Variants in SRBD1 observed in about 807,000 individuals in gnomAD.
SRBD1 encodes the protein S1 RNA binding domain 1, also known as S1 RNA-binding domain-containing protein 1.
Under a neutral mutation model 115.3 loss-of-function variants are expected in SRBD1, and 88 were observed. The ratio of observed to expected loss-of-function variants is 0.76; its 90% CI spans 0.64 to 0.91. The LOEUF (loss-of-function observed/expected upper bound fraction) is 0.91, where lower values mean the gene tolerates loss of function less well. Ranked by LOEUF, SRBD1 falls within the 40% of genes least tolerant of loss-of-function variation. The pLI, the probability that SRBD1 is intolerant of heterozygous loss-of-function variation, is 0.00. For synonymous variants in SRBD1, 509 were observed against 407.7 expected, an observed-to-expected ratio of 1.25 and a Z score of -2.99; for missense variants, 1,385 against 1,177.4, an observed-to-expected ratio of 1.18 and a Z score of -2.58.
rs1352497978 is a variant in SRBD1, at chr2:45,600,843, T to C, written c.262-1008A>G. Among the ~76,000 whole-genome samples, 5 of 152,298 alleles carry C rather than the reference T, an allele frequency of 3.3e-5. No homozygotes were observed. The South Asian group carries it at 1.0e-3, about 32-fold the overall frequency. ...CTAAATTTTAGTCAAAATTCTATCTTCTCTTTTATCAAGTATTTTTTCCAG... is the reference window on the plus strand; with the variant it reads ...CTAAATTTTAGTCAAAATTCTATCTCCTCTTTTATCAAGTATTTTTTCCAG... On this transcript the variant is annotated intron_variant, in intron 3 of 20. Transcript: ENST00000263736.
chr2:45,545,935 G>A (rs539901992), intron 14 of SRBD1, among the ~76,000 whole-genome samples: 31 of 152,274 alleles, frequency 2.0e-4, no homozygotes, highest in African/African-American at 6.7e-4. Flanking sequence ...TGTTGATCCT[G>A]TCAGTCACCT....
intron 19 of SRBD1, among the ~76,000 whole-genome samples, chr2:45,401,324 T>C (rs965136455): frequency 1.3e-5 from 2 of 152,150 alleles, no homozygotes; most frequent in African/African-American, 4.8e-5. Context: ...CACTTAACAT[T>C]TTTATATTTT....
chr2:45,598,627 T>G (rs1285772084), intron 4 of SRBD1, among the ~76,000 whole-genome samples: 1 of 151,724 alleles, frequency 6.6e-6, no homozygotes, highest in Non-Finnish European at 1.5e-5. Context: ...AAATTACGTT[T>G]TACTAAGAGG....
chr2:45,419,470 A>G (rs1052856889), intron 17 of SRBD1, among the ~76,000 whole-genome samples: 4 of 152,130 alleles, frequency 2.6e-5, no homozygotes, highest in African/African-American at 4.8e-5. Flanking sequence ...ACTAGTGAAA[A>G]ATCTCTACTC....
chr2:45,521,320 A>C (rs922886589), intron 14 of SRBD1, among the ~76,000 whole-genome samples: 3 of 111,486 alleles, frequency 2.7e-5, no homozygotes, highest in Admixed American at 8.8e-5. Flanking sequence ...CACACACACA[A>C]ACCAAACTCG....
chr2:45,490,321 G>C (rs1010559057), intron 14 of SRBD1, among the ~76,000 whole-genome samples: 1 of 152,058 alleles, frequency 6.6e-6, no homozygotes, highest in Non-Finnish European at 1.5e-5. Context: ...CATGTAAAAT[G>C]TTTGTGTTTA....
At chr2:45,394,362 G>A (rs1203832541) in intron 19 of SRBD1, among the ~76,000 whole-genome samples, 1 of 152,120 alleles carries the variant, frequency 6.6e-6, no homozygotes. Context: ...TTCCTTGGCT[G>A]GGTATTTTTC....
At chr2:45,530,875 A>T (rs143179145) in intron 14 of SRBD1, among the ~76,000 whole-genome samples, 20 of 152,082 alleles carry the variant, frequency 1.3e-4, no homozygotes, top group Admixed American at 4.6e-4. Flanking sequence ...CCAGATACTC[A>T]CAAAAGGCTG....
In SRBD1 at chr2:45,562,721, T is replaced by C. The variant is rs1204989450; in HGVS notation, c.1341A>G (p.Val447=). 5.0e-6 allele frequency: 8 copies of C among 1,611,442 alleles called. No individual in the cohort carries two copies. Among genetic ancestry groups the C allele is most frequent in the Admixed American group, 1.7e-5 (1 of 59,110 alleles). Residue 447 remains valine, a synonymous_variant, in exon 10 of 21, where the codon GTA becomes GTG. Transcript: ENST00000263736. ...CAGAAATATTGACCTTAACCGTCAG[T>C]ACCTTCAAATTTTCTCCACGGTTAA... The part of the protein sequence containing the change: ...LAINRGENLK[V]LTVKVNISDG...
At chr2:45,581,421 C>T (rs1160356405) in intron 6 of SRBD1, among the ~76,000 whole-genome samples, 1 of 152,154 alleles carries the variant, frequency 6.6e-6, no homozygotes, top group African/African-American at 2.4e-5. Flanking sequence ...CTCTGATAAG[C>T]TTCACGTTTG....
At chr2:45,430,750 T>C (rs1324553184) in intron 16 of SRBD1, among the ~76,000 whole-genome samples, 1 of 152,106 alleles carries the variant, frequency 6.6e-6, no homozygotes, top group Admixed American at 6.6e-5. Flanking sequence ...ACTTCATGAC[T>C]AAAACACCAA....
intron 16 of SRBD1, among the ~76,000 whole-genome samples, chr2:45,463,026 GGGGGGA>G (rs199558217): frequency 0.015 from 2,038 of 137,658 alleles, 68 homozygotes; most frequent in African/African-American, 0.057. Flanking sequence ...CCGGGGGGGG[GGGGGGA>G]AATCTCTCTT....
At chr2:45,472,161 G>A (rs546234692) in intron 16 of SRBD1, among the ~76,000 whole-genome samples, 20 of 152,144 alleles carry the variant, frequency 1.3e-4, no homozygotes, top group African/African-American at 4.6e-4. Context: ...TAGCCATAAA[G>A]AAGAATGAAG....
At chr2:45,600,312 G>A (rs75954650) in intron 3 of SRBD1, among the ~76,000 whole-genome samples, 14 of 151,988 alleles carry the variant, frequency 9.2e-5, no homozygotes, top group Non-Finnish European at 1.6e-4. Flanking sequence ...TACCATTCGG[G>A]AAAAAATGGA....
intron 16 of SRBD1, among the ~76,000 whole-genome samples, chr2:45,437,222 G>C (rs907281616): frequency 6.6e-6 from 1 of 152,018 alleles, no homozygotes; most frequent in African/African-American, 2.4e-5. Context: ...AAATTCTAAA[G>C]TTTATATAGA....
intron 16 of SRBD1, among the ~76,000 whole-genome samples, chr2:45,451,196 C>A (rs567660989): frequency 6.6e-6 from 1 of 152,100 alleles, no homozygotes; most frequent in Non-Finnish European, 1.5e-5. Flanking sequence ...TGATCATAGT[C>A]TTGGACTATT....
intron 4 of SRBD1, among the ~76,000 whole-genome samples, chr2:45,595,082 TG>T (rs1475719679): frequency 1.3e-5 from 2 of 152,232 alleles, no homozygotes; most frequent in African/African-American, 4.8e-5. Flanking sequence ...TTTTATGAAA[TG>T]AAGTGTTGCT....
chr2:45,476,447 A>G (rs1335397683), intron 16 of SRBD1, among the ~76,000 whole-genome samples: 1 of 152,208 alleles, frequency 6.6e-6, no homozygotes. Flanking sequence ...CCTTCTGGAG[A>G]CAACTTCCCC....
intron 2 of SRBD1, among the ~76,000 whole-genome samples, chr2:45,604,444 G>C (rs920881559): frequency 2.4e-4 from 37 of 152,146 alleles, no homozygotes; most frequent in African/African-American, 8.4e-4. Context: ...ACATTTAGAG[G>C]GTGGTGAGAA....
Sources: gnomAD v4.1 joint callset for allele counts (sites outside exome capture counted in the v4.1 genomes callset) on GRCh38, gnomAD v4.1.1 for gene constraint, MANE v1.5 for transcripts, NCBI Gene and HGNC (gene_info 2026-07-23, HGNC 2026-07-21) for gene names.